MED13L: variants seen among roughly 807,000 people sequenced by gnomAD.
The protein encoded by MED13L is mediator of RNA polymerase II transcription subunit 13-like.
In MED13L, 7 loss-of-function variants were observed where a neutral mutation model predicts 220.9. The ratio of observed to expected loss-of-function variants is 0.03; its 90% CI spans 0.02 to 0.06. The LOEUF (loss-of-function observed/expected upper bound fraction) is 0.06. Among genes scored for constraint, MED13L ranks in the 10% least tolerant of loss-of-function variants. The pLI, the probability that MED13L is intolerant of heterozygous loss-of-function variation, is 1.00. For synonymous variants in MED13L, 1,011 were observed against 1,015.2 expected, an observed-to-expected ratio of 1.00 and a Z score of 0.08; for missense variants, 1,965 against 2,760.5, an observed-to-expected ratio of 0.71 and a Z score of 6.46.
chr12:116,258,133 C>T (rs528216401), intron 1 of MED13L, among the ~76,000 whole-genome samples: 4 of 152,290 alleles, frequency 2.6e-5, no homozygotes, highest in South Asian at 2.1e-4. Flanking sequence ...CTACGAGGAG[C>T]TTCACTGAAG....
At chr12:116,276,305 CTT>C (rs1462998162) in intron 1 of MED13L, 24 of 311,690 alleles carry the variant, frequency 7.7e-5, no homozygotes, top group East Asian at 4.4e-4. Flanking sequence ...CAGCTTGTTG[CTT>C]TTGTGTGTGT....
chr12:116,049,550 T>C (rs140920479), intron 4 of MED13L, among the ~76,000 whole-genome samples: 55 of 152,218 alleles, frequency 3.6e-4, no homozygotes, highest in African/African-American at 1.3e-3. Context: ...TAGGAAAAAA[T>C]AGACGAAGTA....
intron 4 of MED13L, among the ~76,000 whole-genome samples, chr12:116,049,334 T>C (rs964631974): frequency 6.6e-6 from 1 of 152,226 alleles, no homozygotes; most frequent in African/African-American, 2.4e-5. Context: ...GAAATTAAAA[T>C]GACTTAAATA....
chr12:115,966,779 G>A lies in MED13L; in HGVS notation c.6226-536C>T, dbSNP rs565423408. ...CTCCTGGAAGAGGCTATGTTTTGCT[G>A]CAACTGACACTTTTCTTATCTTTTA... is the stretch of plus-strand genomic sequence containing the variant. On this transcript the variant is annotated intron_variant, in intron 28 of 30. Transcript: ENST00000281928. 2.6e-5 allele frequency among the ~76,000 whole-genome samples: 4 copies of A among 152,306 alleles called. No individual in the cohort carries two copies. In the East Asian group the frequency reaches 7.7e-4, roughly 29 times the overall value.
At chr12:116,116,936 G>A (rs560208772) in intron 2 of MED13L, among the ~76,000 whole-genome samples, 5 of 149,500 alleles carry the variant, frequency 3.3e-5, no homozygotes, top group Admixed American at 2.0e-4. Flanking sequence ...TTTGGAGGAT[G>A]TAAGGTTCTA....
chr12:115,971,110 C>T (rs544800020), intron 26 of MED13L, among the ~76,000 whole-genome samples: 9 of 152,280 alleles, frequency 5.9e-5, no homozygotes, highest in African/African-American at 9.6e-5. Flanking sequence ...CTGTTCTAAA[C>T]GGTTAACAAT....
chr12:116,218,442 CA>C (rs1883127848), intron 2 of MED13L, among the ~76,000 whole-genome samples: 1 of 152,138 alleles, frequency 6.6e-6, no homozygotes, highest in African/African-American at 2.4e-5. Flanking sequence ...ACATTTACAA[CA>C]AAAACATGCT....
At chr12:116,100,516 C>T (rs1230223181) in intron 3 of MED13L, among the ~76,000 whole-genome samples, 11 of 148,542 alleles carry the variant, frequency 7.4e-5, no homozygotes. Context: ...AAGAGAATCG[C>T]TTGAACCCAG....
chr12:115,968,888 T>C (rs1876382769), intron 28 of MED13L, 52 bp downstream of exon 28: 1 of 1,601,446 alleles, frequency 6.2e-7, no homozygotes, highest in East Asian at 2.2e-5. Flanking sequence ...CAGTGGATTA[T>C]CTTCCTAAAG....
chr12:116,102,705 T>C (rs1156728790), intron 3 of MED13L, among the ~76,000 whole-genome samples: 1 of 89,288 alleles, frequency 1.1e-5, no homozygotes, highest in Non-Finnish European at 2.3e-5. Flanking sequence ...TTCTTTTTCT[T>C]TTTTCTTTTT....
intron 17 of MED13L, among the ~76,000 whole-genome samples, chr12:115,987,985 C>A (rs747468209): frequency 2.0e-5 from 3 of 152,100 alleles, no homozygotes; most frequent in Admixed American, 6.5e-5. Context: ...CTTGGACATA[C>A]GTATTTTTTT....
At chr12:115,996,244 C>T (rs1878395860) in intron 16 of MED13L, among the ~76,000 whole-genome samples, 1 of 152,038 alleles carries the variant, frequency 6.6e-6, no homozygotes, top group African/African-American at 2.4e-5. Context: ...ACTCCTGCCA[C>T]CAAGCCCAGC....
At chr12:115,980,428 A>T in intron 23 of MED13L, 1 of 350,776 alleles carries the variant, frequency 2.9e-6, no homozygotes, top group Non-Finnish European at 5.5e-6. Flanking sequence ...GGCTCAAGTG[A>T]TCCTTCCACC....
chr12:116,252,434 G>T (rs1449280798), intron 1 of MED13L, among the ~76,000 whole-genome samples: 2 of 152,086 alleles, frequency 1.3e-5, no homozygotes, highest in South Asian at 2.1e-4. Flanking sequence ...AGGTACTCAG[G>T]TGTCTGAGGT....
chr12:116,142,372 T>C (rs939960515), intron 2 of MED13L, among the ~76,000 whole-genome samples: 14 of 152,150 alleles, frequency 9.2e-5, no homozygotes, highest in African/African-American at 2.2e-4. Context: ...AATAGTCCTA[T>C]AGCTGTTCCC....
At chr12:116,080,538 A>C (rs761876922) in intron 4 of MED13L, among the ~76,000 whole-genome samples, 3 of 152,192 alleles carry the variant, frequency 2.0e-5, no homozygotes, top group Non-Finnish European at 4.4e-5. Flanking sequence ...GACATTCTCA[A>C]TTTCTTAGGA....
chr12:116,203,084 G>A (rs186477187), intron 2 of MED13L, among the ~76,000 whole-genome samples: 35 of 152,216 alleles, frequency 2.3e-4, no homozygotes, highest in African/African-American at 5.8e-4. Flanking sequence ...CAAAAACAGC[G>A]GGACCAAATT....
At chr12:115,987,421 T>C in intron 17 of MED13L, 133 bp from the exon 18 acceptor site, 3 of 798,846 alleles carry the variant, frequency 3.8e-6, no homozygotes, top group Non-Finnish European at 6.1e-6. Context: ...AATATTTGAC[T>C]TAGGAGTCAG....
intron 2 of MED13L, among the ~76,000 whole-genome samples, chr12:116,191,029 T>G (rs1387618316): frequency 6.6e-6 from 1 of 150,380 alleles, no homozygotes; most frequent in East Asian, 2.0e-4. Flanking sequence ...GAGGCGGAGG[T>G]TGCAGTGAGC....
Sources: gnomAD v4.1 joint callset for allele counts (sites outside exome capture counted in the v4.1 genomes callset) on GRCh38, gnomAD v4.1.1 for gene constraint, MANE v1.5 for transcripts, NCBI Gene and HGNC (gene_info 2026-07-23, HGNC 2026-07-21) for gene names.